UTP18: variants seen among roughly 807,000 people sequenced by gnomAD.
UTP18 encodes the protein U3 small nucleolar RNA-associated protein 18 homolog.
Under a neutral mutation model 61.1 loss-of-function variants are expected in UTP18, and 36 were observed. That is an observed-to-expected ratio of 0.59 (90% CI 0.45 to 0.78). The LOEUF (loss-of-function observed/expected upper bound fraction) is 0.78. Ranked by LOEUF, UTP18 falls within the 30% of genes least tolerant of loss-of-function variation. UTP18 has a pLI of 0.00. For synonymous variants in UTP18, 282 were observed against 251.1 expected (o/e 1.12, Z -1.16); for missense variants, 753 against 693.9 (o/e 1.09, Z -0.96).
intron 2 of UTP18, among the ~76,000 whole-genome samples, chr17:51,264,537 GT>G (rs1046864436): frequency 6.6e-6 from 1 of 151,882 alleles, no homozygotes; most frequent in African/African-American, 2.4e-5. Context: ...GGCTCTACCA[GT>G]TTGCCTTCCC....
At chr17:51,279,839 A>C (rs752828106) in intron 7 of UTP18, among the ~76,000 whole-genome samples, 166 bp from the exon 8 acceptor site, 51 of 152,208 alleles carry the variant, frequency 3.4e-4, no homozygotes, top group Middle Eastern at 3.2e-3. Context: ...GTTTGGGTCA[A>C]ACTCAGTGAT....
Position 51,266,273 on chromosome 17 carries a change from A to G in UTP18, c.547A>G (p.Lys183Glu), listed in dbSNP as rs1026650362. ...GAAAGACAACCTTAAAAAGAGACTT[A>G]AAGAAGAGTAAGTGTCTTTTTTCAT... ...LSKDNLKKRL[K>E]EEFQHAMGGV... The change falls in exon 3 of 14, where the codon AAA becomes GAA. Residue 183 changes from lysine to glutamate, a missense_variant. Lys to Glu is a moderately conservative substitution (Grantham distance 56, BLOSUM62 1). Transcript: ENST00000225298. 3.1e-6 allele frequency: 5 copies of G among 1,591,930 alleles called. No homozygotes were observed. The Admixed American group carries it at 9.2e-5, about 29-fold the overall frequency.
chr17:51,273,490 T>G (rs1904603119), intron 5 of UTP18, 40 bp downstream of exon 5: 2 of 1,479,850 alleles, frequency 1.4e-6, no homozygotes, highest in Non-Finnish European at 1.9e-6. Flanking sequence ...TCTAACTACT[T>G]ACCTCTGCAG....
At chr17:51,262,168 A>G (rs998858965) in intron 1 of UTP18, among the ~76,000 whole-genome samples, 6 of 149,690 alleles carry the variant, frequency 4.0e-5, no homozygotes, top group African/African-American at 1.5e-4. Flanking sequence ...TGCAACCTCC[A>G]CTTCCTGGGT....
At chr17:51,279,959 G>A in intron 7 of UTP18, 46 bp from the exon 8 acceptor site, 2 of 1,430,758 alleles carry the variant, frequency 1.4e-6, no homozygotes, top group Non-Finnish European at 1.9e-6. Flanking sequence ...TAGTTTTATT[G>A]AAAACTATAT....
intron 3 of UTP18, among the ~76,000 whole-genome samples, chr17:51,267,238 C>G (rs1370772145): frequency 6.6e-6 from 1 of 152,204 alleles, no homozygotes; most frequent in Non-Finnish European, 1.5e-5. Flanking sequence ...GCTGGGAATA[C>G]AGAGGTGAGC....
intron 3 of UTP18, 60 bp from the exon 4 acceptor site, chr17:51,268,776 AT>A (rs2144400115): frequency 7.1e-7 from 1 of 1,398,668 alleles, no homozygotes; most frequent in African/African-American, 1.4e-5. Flanking sequence ...CTTTAAATGT[AT>A]CAAGCTTTAT....
chr17:51,266,357 G>T, intron 3 of UTP18, 77 bp downstream of exon 3: 4 of 1,014,196 alleles, frequency 3.9e-6, no homozygotes, highest in Non-Finnish European at 4.1e-6. Flanking sequence ...ACCGCTTCTT[G>T]TGTAGTTTTC....
intron 11 of UTP18, among the ~76,000 whole-genome samples, chr17:51,292,255 A>T (rs1450731979): frequency 6.6e-6 from 1 of 152,254 alleles, no homozygotes; most frequent in East Asian, 1.9e-4. Flanking sequence ...GTGGTATTTA[A>T]GAACTTTAGA....
In UTP18 at chr17:51,278,476, C is replaced by G. The variant is rs144551227; in HGVS notation, c.1012+1172C>G. 3.0e-4 allele frequency among the ~76,000 whole-genome samples: 45 copies of G among 152,370 alleles called. No individual in the cohort carries two copies. The East Asian group carries it at 7.9e-3, about 27-fold the overall frequency. On this transcript the variant is annotated intron_variant, in intron 7 of 13. Coordinates refer to ENST00000225298, the MANE Select transcript of UTP18 (RefSeq NM_016001.3). ...TTGCATCCTCTTGAGAGAAAGCGCA[C>G]CATGCGTTGGCCAAGATACAGTTAG...
chr17:51,288,698 A>G, intron 11 of UTP18: 1 of 441,610 alleles, frequency 2.3e-6, no homozygotes, highest in Admixed American at 2.5e-5. Flanking sequence ...GACCACCTCC[A>G]GGTTTGGTGG....
chr17:51,284,151 T>A (rs572704146), intron 9 of UTP18, among the ~76,000 whole-genome samples: 5 of 152,348 alleles, frequency 3.3e-5, no homozygotes, highest in East Asian at 1.9e-4. Context: ...CCTGCACGCT[T>A]ACTCTAGCCT....
chr17:51,285,000 G>A (rs182003009), intron 9 of UTP18, among the ~76,000 whole-genome samples: 49 of 151,884 alleles, frequency 3.2e-4, no homozygotes, highest in Admixed American at 5.9e-4. Flanking sequence ...GAAGGAGGTT[G>A]CAGTGTGCTG....
At chr17:51,294,151 G>T in intron 12 of UTP18, 106 bp downstream of exon 12, 2 of 887,154 alleles carry the variant, frequency 2.3e-6, no homozygotes, top group Non-Finnish European at 3.1e-6. Context: ...ATTCTAGTCT[G>T]TTTATCTTGA....
intron 13 of UTP18, 89 bp from the exon 14 acceptor site, chr17:51,297,693 C>A (rs1234207534): frequency 2.4e-6 from 1 of 420,492 alleles, no homozygotes; most frequent in African/African-American, 2.1e-5. Flanking sequence ...TTTAGCTCTC[C>A]TGTCTCAAAA....
intron 3 of UTP18, among the ~76,000 whole-genome samples, chr17:51,268,269 G>A (rs540206818): frequency 7.9e-5 from 12 of 152,212 alleles, no homozygotes; most frequent in East Asian, 3.9e-4. Flanking sequence ...CTCGTGATCC[G>A]CCCGCCTTGG....
chr17:51,277,344 C>A (rs371571229), intron 7 of UTP18, 40 bp downstream of exon 7: 6 of 1,603,834 alleles, frequency 3.7e-6, no homozygotes, highest in South Asian at 2.2e-5. Context: ...GTCATTCCCC[C>A]CAAGGTGAGT....
At position 51,280,042 on chromosome 17, in the gene UTP18, C is replaced by T. The variant is rs374988637; in HGVS notation, c.1050C>T (p.Ser350=). ...KEKIVRSFEV[S]PDGSFLLING... is the part of the protein sequence containing the mutation. ...AGATAGTGAGGAGCTTTGAAGTCTCCCCAGATGGGTCCTTCTTGCTCATAA... is the reference window on the plus strand; with the variant it reads ...AGATAGTGAGGAGCTTTGAAGTCTCTCCAGATGGGTCCTTCTTGCTCATAA... The change falls in exon 8 of 14, where the codon TCC becomes TCT. Residue 350 remains serine (S), a synonymous_variant. Coordinates refer to ENST00000225298, the MANE Select transcript of UTP18 (RefSeq NM_016001.3). The T allele has an allele frequency of 1.9e-6, 3 of 1,613,902 alleles. No homozygotes were observed. The highest frequency in any genetic ancestry group is 2.5e-6 in the Non-Finnish European group (3 of 1,179,920).
chr17:51,278,474 C>T (rs1205519318), intron 7 of UTP18, among the ~76,000 whole-genome samples: 1 of 152,256 alleles, frequency 6.6e-6, no homozygotes, highest in Non-Finnish European at 1.5e-5. Flanking sequence ...AGAGAAAGCG[C>T]ACCATGCGTT....
Sources: gnomAD v4.1 joint callset for allele counts (sites outside exome capture counted in the v4.1 genomes callset) on GRCh38, gnomAD v4.1.1 for gene constraint, MANE v1.5 for transcripts, NCBI Gene and HGNC (gene_info 2026-07-23, HGNC 2026-07-21) for gene names.